Variants in RALYL observed in about 807,000 individuals in gnomAD.
RALYL encodes RALY RNA binding protein like.
A neutral mutation model predicts 35.1 loss-of-function variants in RALYL; 29 were observed. The observed-to-expected ratio is 0.83, with a 90% CI of 0.61 to 1.13. The LOEUF is 1.13. Ranked by LOEUF, RALYL falls within the 50% of genes most tolerant of loss-of-function variation. The pLI is 0.00. For synonymous variants in RALYL, 120 were observed against 127.6 expected, an observed-to-expected ratio of 0.94 and a Z score of 0.40; for missense variants, 359 against 360.4, an observed-to-expected ratio of 1.00 and a Z score of 0.03.
At chr8:84,192,910 G>A (rs980961189) in intron 1 of RALYL, among the ~76,000 whole-genome samples, 1 of 146,422 alleles carries the variant, frequency 6.8e-6, no homozygotes, top group Non-Finnish European at 1.5e-5. Context: ...TGTGTGTGGG[G>A]GGGGGGGTTG....
chr8:84,902,960 C>T (rs533292143), intron 8 of RALYL, among the ~76,000 whole-genome samples: 58 of 152,052 alleles, frequency 3.8e-4, no homozygotes, highest in Non-Finnish European at 7.6e-4. Flanking sequence ...TGGCTCATGC[C>T]TGTAATCCAA....
chr8:84,569,461 T>G (rs1807376841), intron 2 of RALYL, among the ~76,000 whole-genome samples: 1 of 151,870 alleles, frequency 6.6e-6, no homozygotes, highest in Non-Finnish European at 1.5e-5. Context: ...TGTGTTGAGT[T>G]TTTTGTAGAT....
chr8:84,744,631 A>G (rs1487134847), intron 2 of RALYL, among the ~76,000 whole-genome samples: 2 of 151,968 alleles, frequency 1.3e-5, no homozygotes, highest in African/African-American at 4.8e-5. Context: ...ACATCTTGAA[A>G]ATTGCCTATC....
At chr8:84,250,469 G>A (rs972606750) in intron 1 of RALYL, among the ~76,000 whole-genome samples, 3 of 151,754 alleles carry the variant, frequency 2.0e-5, no homozygotes, top group East Asian at 1.9e-4. Context: ...GGGTTCAAGC[G>A]ATTCTTCTGC....
At chr8:84,770,051 G>GA (rs1379608988) in intron 2 of RALYL, among the ~76,000 whole-genome samples, 3 of 151,710 alleles carry the variant, frequency 2.0e-5, no homozygotes, top group Admixed American at 2.0e-4. Flanking sequence ...TCTTTTTTTA[G>GA]AAAAATGTTT....
intron 2 of RALYL, among the ~76,000 whole-genome samples, chr8:84,636,532 T>C (rs986760595): frequency 2.6e-5 from 4 of 151,854 alleles, no homozygotes; most frequent in African/African-American, 9.7e-5. Flanking sequence ...GAGTGATCTG[T>C]ATTAGGACAA....
intron 1 of RALYL, among the ~76,000 whole-genome samples, chr8:84,320,743 A>G (rs1844647143): frequency 6.6e-6 from 1 of 152,044 alleles, no homozygotes; most frequent in Non-Finnish European, 1.5e-5. Flanking sequence ...GGGGTACTTT[A>G]TTAATTTTTC....
chr8:84,665,004 A>T (rs1032491467), intron 2 of RALYL, among the ~76,000 whole-genome samples: 1 of 152,160 alleles, frequency 6.6e-6, no homozygotes, highest in Non-Finnish European at 1.5e-5. Context: ...TGTTCCTTCA[A>T]TACCTAGTTT....
intron 1 of RALYL, among the ~76,000 whole-genome samples, chr8:84,491,953 G>T (rs987053633): frequency 5.9e-5 from 9 of 151,838 alleles, no homozygotes; most frequent in African/African-American, 1.9e-4. Context: ...TACAGCAAGT[G>T]ATGGGCAATT....
chr8:84,878,344 CTT>C (rs1283885950), intron 7 of RALYL, among the ~76,000 whole-genome samples: 5 of 152,134 alleles, frequency 3.3e-5, no homozygotes, highest in Admixed American at 3.3e-4. Flanking sequence ...CTAGAAGAGT[CTT>C]CAGTTGAGAA....
chr8:84,340,892 A>G (rs1848663896), intron 1 of RALYL, among the ~76,000 whole-genome samples: 1 of 152,016 alleles, frequency 6.6e-6, no homozygotes, highest in South Asian at 2.1e-4. Context: ...GAATTGCTAT[A>G]CTGTTTGTAT....
intron 2 of RALYL, among the ~76,000 whole-genome samples, chr8:84,706,682 A>C (rs1589122508): frequency 6.6e-6 from 1 of 152,306 alleles, no homozygotes; most frequent in East Asian, 1.9e-4. Context: ...AAGGAGCAGC[A>C]CAATTACCCT....
intron 2 of RALYL, among the ~76,000 whole-genome samples, chr8:84,652,467 C>A (rs1434517184): frequency 1.3e-5 from 2 of 151,984 alleles, no homozygotes; most frequent in Non-Finnish European, 2.9e-5. Context: ...TAACTTCACC[C>A]AGGAAAGTAT....
chr8:84,542,119 T>A (rs1290905766), intron 2 of RALYL, among the ~76,000 whole-genome samples: 1 of 152,090 alleles, frequency 6.6e-6, no homozygotes, highest in Non-Finnish European at 1.5e-5. Context: ...TTGTGGCCAT[T>A]TTTAGATTAA....
chr8:84,704,280 C>T (rs1176512454), intron 2 of RALYL, among the ~76,000 whole-genome samples: 2 of 152,062 alleles, frequency 1.3e-5, no homozygotes, highest in Non-Finnish European at 2.9e-5. Context: ...TAAAAATTAG[C>T]TGGGCGTGGT....
intron 1 of RALYL, chr8:84,184,760 T>G: frequency 9.7e-6 from 4 of 414,290 alleles, no homozygotes; most frequent in East Asian, 3.9e-5. Context: ...GCGGGCCCTG[T>G]AAGTTCTCCG....
At chr8:84,859,786 GT>G (rs1295028767) in intron 5 of RALYL, among the ~76,000 whole-genome samples, 1 of 152,078 alleles carries the variant, frequency 6.6e-6, no homozygotes, top group Non-Finnish European at 1.5e-5. Flanking sequence ...GGAGGCAGAG[GT>G]TGCAGTGAGG....
chr8:84,825,511 T>C (rs1231725993), intron 4 of RALYL, among the ~76,000 whole-genome samples: 3 of 152,032 alleles, frequency 2.0e-5, no homozygotes. Context: ...TATCCAAAAG[T>C]AAACAAAATG....
chr8:84,547,336 T>A (rs2060428626), intron 2 of RALYL, among the ~76,000 whole-genome samples: 1 of 152,142 alleles, frequency 6.6e-6, no homozygotes, highest in Non-Finnish European at 1.5e-5. Flanking sequence ...GTAATTCTTT[T>A]ATCCAAGGAC....
Sources: gnomAD v4.1 joint callset for allele counts (sites outside exome capture counted in the v4.1 genomes callset) on GRCh38, gnomAD v4.1.1 for gene constraint, MANE v1.5 for transcripts, NCBI Gene and HGNC (gene_info 2026-07-23, HGNC 2026-07-21) for gene names.